PSD3: variants seen among roughly 807,000 people sequenced by gnomAD.
PSD3 encodes the protein PH and SEC7 domain-containing protein 3.
PSD3 carries 49 observed loss-of-function variants against 105.5 expected under a neutral mutation model. The ratio of observed to expected loss-of-function variants is 0.46; its 90% CI spans 0.37 to 0.59. The LOEUF (loss-of-function observed/expected upper bound fraction) is 0.59. PSD3 is among the 20% of genes least tolerant of loss of function. The pLI is 0.00. For synonymous variants in PSD3, 557 were observed against 457.8 expected, an observed-to-expected ratio of 1.22 and a Z score of -2.77; for missense variants, 1,561 against 1,263.8, an observed-to-expected ratio of 1.24 and a Z score of -3.57.
intron 1 of PSD3, among the ~76,000 whole-genome samples, chr8:18,962,933 C>A (rs1824011431): frequency 6.6e-6 from 1 of 152,166 alleles, no homozygotes; most frequent in Non-Finnish European, 1.5e-5. Context: ...AGAGTTCTTT[C>A]AGCCTACACA....
At chr8:18,564,702 G>C (rs975324946) in intron 14 of PSD3, among the ~76,000 whole-genome samples, 3 of 151,940 alleles carry the variant, frequency 2.0e-5, no homozygotes, top group African/African-American at 4.8e-5. Context: ...AAATGGGTGG[G>C]TGGGGGCGCA....
intron 1 of PSD3, among the ~76,000 whole-genome samples, chr8:18,949,809 T>C (rs754793661): frequency 2.0e-4 from 30 of 152,206 alleles, no homozygotes; most frequent in Non-Finnish European, 3.7e-4. Context: ...AATATAAATT[T>C]AGCAAAAAAT....
At chr8:18,899,953 TACTAATAAATGTCCTTTGTGGA>T (rs1233166504) in intron 2 of PSD3, among the ~76,000 whole-genome samples, 1 of 152,068 alleles carries the variant, frequency 6.6e-6, no homozygotes, top group Non-Finnish European at 1.5e-5. Flanking sequence ...TTCCCTTCCT[TACTAATAAATGTCCTTTGTGGA>T]ACTGTTTTCC....
At chr8:18,679,827 T>A (rs191676760) in intron 9 of PSD3, among the ~76,000 whole-genome samples, 1 of 152,310 alleles carries the variant, frequency 6.6e-6, no homozygotes, top group Non-Finnish European at 1.5e-5. Context: ...TCACAGAAAT[T>A]GATTTCTTTG....
At chr8:18,625,115 G>C (rs1360579503) in intron 11 of PSD3, among the ~76,000 whole-genome samples, 1 of 151,672 alleles carries the variant, frequency 6.6e-6, no homozygotes, top group African/African-American at 2.4e-5. Context: ...AAAAATCTTA[G>C]AACCTTGTTT....
intron 4 of PSD3, among the ~76,000 whole-genome samples, chr8:18,840,244 C>T (rs1814504833): frequency 6.6e-6 from 1 of 152,194 alleles, no homozygotes; most frequent in African/African-American, 2.4e-5. Context: ...CTCAAACCCT[C>T]AATCACTCTG....
chr8:18,592,717 A>C (rs186796995), intron 12 of PSD3, among the ~76,000 whole-genome samples: 50 of 152,152 alleles, frequency 3.3e-4, no homozygotes, highest in African/African-American at 1.1e-3. Flanking sequence ...AACAAACAAA[A>C]ACACTTGCCA....
chr8:18,694,534 C>T (rs374875414), intron 9 of PSD3, among the ~76,000 whole-genome samples: 129 of 151,268 alleles, frequency 8.5e-4, no homozygotes, highest in African/African-American at 3.0e-3. Flanking sequence ...GGCGTGAACC[C>T]GGGAGGCAGA....
intron 12 of PSD3, among the ~76,000 whole-genome samples, chr8:18,577,157 C>G (rs2634421): frequency 0.53 from 80,971 of 151,556 alleles, 21,729 homozygotes; most frequent in Middle Eastern, 0.62. Flanking sequence ...AATTTTTTAT[C>G]TCTTCTTTAA....
intron 15 of PSD3, among the ~76,000 whole-genome samples, chr8:18,540,261 T>C (rs1800085029): frequency 6.6e-6 from 1 of 152,234 alleles, no homozygotes; most frequent in African/African-American, 2.4e-5. Flanking sequence ...AATGCAATTG[T>C]ACACTTAACG....
At chr8:18,848,043 C>A (rs1345527087) in intron 4 of PSD3, among the ~76,000 whole-genome samples, 1 of 151,926 alleles carries the variant, frequency 6.6e-6, no homozygotes, top group Admixed American at 6.6e-5. Context: ...GGAAGGAACA[C>A]GTGTCATCAA....
chr8:18,649,132 G>A (rs1808280522), intron 10 of PSD3, among the ~76,000 whole-genome samples: 2 of 152,150 alleles, frequency 1.3e-5, no homozygotes, highest in African/African-American at 4.8e-5. Flanking sequence ...TGAGAAGAGG[G>A]CTACCATCCT....
At position 19,007,383 on chromosome 8, in the gene PSD3, C is replaced by T. The variant is rs374100206; in HGVS notation, c.21+6180G>A. 3.3e-5 allele frequency among the ~76,000 whole-genome samples: 5 copies of T among 152,122 alleles called. No homozygotes were observed. In the East Asian group the frequency reaches 7.7e-4, roughly 23 times the overall value. ...AGCGGCCTGAAGCTATTTAAATTATCGAAATTAAATAAAATTTAAAATTCA... is the reference window on the plus strand; with the variant it reads ...AGCGGCCTGAAGCTATTTAAATTATTGAAATTAAATAAAATTTAAAATTCA... On this transcript the variant is annotated intron_variant, in intron 1 of 15. Transcript: ENST00000327040.
At chr8:18,772,409 C>G (rs1377029001) in intron 8 of PSD3, among the ~76,000 whole-genome samples, 3 of 152,048 alleles carry the variant, frequency 2.0e-5, no homozygotes, top group Admixed American at 2.0e-4. Context: ...TTTTTGATAG[C>G]AATGATCGTA....
At chr8:19,027,144 G>A (rs1412777188) in intron 1 of PSD3, among the ~76,000 whole-genome samples, 1 of 152,002 alleles carries the variant, frequency 6.6e-6, no homozygotes, top group Non-Finnish European at 1.5e-5. Context: ...TGAAAGGAAG[G>A]AAATCTATCA....
intron 4 of PSD3, among the ~76,000 whole-genome samples, chr8:18,813,009 G>A (rs1811827699): frequency 6.6e-6 from 1 of 152,132 alleles, no homozygotes; most frequent in Non-Finnish European, 1.5e-5. Context: ...AATTGAGACA[G>A]AAAAACCAGC....
chr8:18,936,252 T>G (rs1417501611), intron 1 of PSD3, 110 bp from the exon 2 acceptor site: 7 of 697,716 alleles, frequency 1.0e-5, no homozygotes, highest in Non-Finnish European at 1.7e-5. Flanking sequence ...ACATATGTAC[T>G]CAAAGCTATC....
chr8:18,741,147 T>C (rs924846962), intron 9 of PSD3, among the ~76,000 whole-genome samples: 4 of 152,216 alleles, frequency 2.6e-5, no homozygotes, highest in Non-Finnish European at 4.4e-5. Context: ...TGAGAGTAAG[T>C]GGTGGGGAGA....
chr8:18,898,113 T>C (rs997378298), intron 2 of PSD3, among the ~76,000 whole-genome samples: 16 of 152,210 alleles, frequency 1.1e-4, no homozygotes, highest in African/African-American at 3.9e-4. Flanking sequence ...CTTACCTAAC[T>C]TGCTGAGAGT....
Sources: gnomAD v4.1 joint callset for allele counts (sites outside exome capture counted in the v4.1 genomes callset) on GRCh38, gnomAD v4.1.1 for gene constraint, MANE v1.5 for transcripts, NCBI Gene and HGNC (gene_info 2026-07-23, HGNC 2026-07-21) for gene names.